Variants in RAD54B observed in about 807,000 individuals in gnomAD.
RAD54B encodes the protein RAD54 homolog B.
A neutral mutation model predicts 95.8 loss-of-function variants in RAD54B; 78 were observed. The ratio of observed to expected loss-of-function variants is 0.81; its 90% CI spans 0.68 to 0.98. The LOEUF is 0.98. Ranked by LOEUF, RAD54B falls within the 50% of genes least tolerant of loss-of-function variation. The probability of loss-of-function intolerance (pLI) is 0.00; values close to 1 mark genes in which losing one functional copy is unlikely to be tolerated. For missense variants in RAD54B, 957 were observed against 1,056.6 expected, an observed-to-expected ratio of 0.91 and a Z score of 1.31; for synonymous variants, 328 against 354.9, an observed-to-expected ratio of 0.92 and a Z score of 0.85.
At chr8:94,447,680 G>T (rs1368948757) in intron 3 of RAD54B, among the ~76,000 whole-genome samples, 1 of 152,196 alleles carries the variant, frequency 6.6e-6, no homozygotes, top group African/African-American at 2.4e-5. Context: ...CAGGAAAGTG[G>T]TCAGCAATAG....
At chr8:94,419,198 T>C (rs1811742684) in intron 3 of RAD54B, among the ~76,000 whole-genome samples, 1 of 152,182 alleles carries the variant, frequency 6.6e-6, no homozygotes, top group South Asian at 2.1e-4. Flanking sequence ...GAATTTCAAT[T>C]AGTAAGAACT....
At position 94,404,583 on chromosome 8, in the gene RAD54B, A is replaced by C. The variant is rs72672699; in HGVS notation, c.782-344T>G. Among the ~76,000 whole-genome samples, 1,266 of 152,304 alleles carry C rather than the reference A, an allele frequency of 8.3e-3. 8 individuals carry two copies. The highest frequency in any genetic ancestry group is 0.031 in the Middle Eastern group (9 of 294). The stretch of plus-strand genomic sequence containing the variant: ...GAGCAAAGAGAACTATTTCCAACTG[A>C]AAGTACAGGTTGGAATTTTGCCAAG... On this transcript the variant is annotated intron_variant, in intron 5 of 14. Transcript: ENST00000336148.
rs1474038975 is a variant in RAD54B at position 94,371,970 on chromosome 8, T to C, written c.*200A>G. 1.1e-6 allele frequency: 1 copy of C among 880,514 alleles called. No homozygotes were observed. The highest frequency in any genetic ancestry group is 1.6e-6 in the Non-Finnish European group (1 of 641,644). 54.5% of individuals were successfully genotyped at this position (880,514 alleles called of 1,614,324 possible). A position where few individuals can be genotyped will look rare whatever the true frequency, so the allele number is the denominator to read the frequency against. ...AATTATTAACAATTATACAATGATA[T>C]AAGCACATCTTTATTTTTCATTTAA... is the stretch of plus-strand genomic sequence containing the variant. On this transcript the variant is annotated 3_prime_UTR_variant, in exon 15 of 15. Transcript: ENST00000336148.
rs551593250 is a variant in RAD54B at position 94,403,941 on chromosome 8, T to C, written c.944+136A>G. On this transcript the variant is annotated intron_variant, in intron 6 of 14. Coordinates refer to ENST00000336148, the MANE Select transcript of RAD54B (RefSeq NM_012415.3). ...GAATAAATGCACACAGTAAGCACTA[T>C]TCACCTTTCCTACCAATTGAAATTC... 4.8e-4 allele frequency: 346 copies of C among 717,224 alleles called. 5 individuals are homozygous for C. The South Asian group carries it at 8.4e-3, about 17-fold the overall frequency. 44.4% of individuals were successfully genotyped at this position (717,224 alleles called of 1,614,324 possible).
At chr8:94,409,446 C>G in intron 4 of RAD54B, among the ~76,000 whole-genome samples, 1 of 151,878 alleles carries the variant, frequency 6.6e-6, no homozygotes. Context: ...TCAAGGCTCA[C>G]TGCAGCCTCG....
intron 2 of RAD54B, among the ~76,000 whole-genome samples, chr8:94,465,723 A>G (rs1813009420): frequency 6.6e-6 from 1 of 152,232 alleles, no homozygotes; most frequent in East Asian, 1.9e-4. Flanking sequence ...TCACAGCAGC[A>G]TTATTCGCCA....
chr8:94,464,450 G>T (rs1044261593), intron 2 of RAD54B, among the ~76,000 whole-genome samples: 1 of 152,156 alleles, frequency 6.6e-6, no homozygotes, highest in African/African-American at 2.4e-5. Flanking sequence ...GATCTGTGTT[G>T]AACTTTTGAC....
At chr8:94,430,044 T>C in intron 3 of RAD54B, 2 of 984,832 alleles carry the variant, frequency 2.0e-6, no homozygotes, top group Non-Finnish European at 2.4e-6. Flanking sequence ...CTGGGCACGG[T>C]GGCTCAAGCC....
intron 3 of RAD54B, among the ~76,000 whole-genome samples, chr8:94,418,361 T>A (rs1488511818): frequency 6.6e-6 from 1 of 152,220 alleles, no homozygotes; most frequent in Non-Finnish European, 1.5e-5. Context: ...CGAAAGGTTG[T>A]ATCAATGATA....
intron 3 of RAD54B, chr8:94,430,857 G>C: frequency 1.0e-6 from 1 of 985,424 alleles, no homozygotes; most frequent in African/African-American, 1.7e-5. Flanking sequence ...GTCCTTCCTA[G>C]TCCAGGATAC....
intron 6 of RAD54B, 86 bp downstream of exon 6, chr8:94,403,990 AT>A: frequency 9.3e-7 from 1 of 1,078,334 alleles, no homozygotes; most frequent in Non-Finnish European, 1.3e-6. Context: ...AGGACTCATT[AT>A]ATTAGGATCT....
chr8:94,456,630 T>C (rs1180300718), intron 3 of RAD54B, among the ~76,000 whole-genome samples: 5 of 152,178 alleles, frequency 3.3e-5, no homozygotes, highest in Non-Finnish European at 7.3e-5. Flanking sequence ...TGTAGGCATA[T>C]TTCAAAATAA....
chr8:94,474,056 C>T (rs1813234310), intron 1 of RAD54B, among the ~76,000 whole-genome samples: 1 of 152,156 alleles, frequency 6.6e-6, no homozygotes, highest in African/African-American at 2.4e-5. Context: ...GAAATCATGT[C>T]CTTTGCAGCA....
chr8:94,448,600 A>G (rs1812575675), intron 3 of RAD54B, among the ~76,000 whole-genome samples: 1 of 152,000 alleles, frequency 6.6e-6, no homozygotes, highest in South Asian at 2.1e-4. Context: ...ATTTGCCACA[A>G]CATGGAAGGA....
rs1453864303 is a variant in RAD54B at position 94,413,519 on chromosome 8, C to T, written c.305-2204G>A. 2.0e-5 allele frequency among the ~76,000 whole-genome samples: 3 copies of T among 152,124 alleles called. No individual in the cohort carries two copies. The East Asian group carries it at 5.8e-4, about 29-fold the overall frequency. On this transcript the variant is annotated intron_variant, in intron 3 of 14. Coordinates refer to ENST00000336148, the MANE Select transcript of RAD54B (RefSeq NM_012415.3). Reference sequence around the variant, plus strand: ...ACATTTGGAAAAGATAAACATCAACCATTAAGTCACCCCATATACAAAATT... The same window carrying T: ...ACATTTGGAAAAGATAAACATCAACTATTAAGTCACCCCATATACAAAATT...
chr8:94,415,515 A>G (rs1258236893), intron 3 of RAD54B, among the ~76,000 whole-genome samples: 1 of 143,802 alleles, frequency 7.0e-6, no homozygotes, highest in African/African-American at 2.5e-5. Context: ...AAATTGACAA[A>G]TGGGATCTAA....
rs182000109 is a variant in RAD54B, at chr8:94,438,481, C to T, written c.304+19787G>A. On this transcript the variant is annotated intron_variant, in intron 3 of 14. Coordinates refer to ENST00000336148, the MANE Select transcript of RAD54B (RefSeq NM_012415.3). Reference sequence around the variant, plus strand: ...AAAGAAAATCGACCTGCCCCAACAACAACTGGACCACAGGTACTCAAAATC... The same window carrying T: ...AAAGAAAATCGACCTGCCCCAACAATAACTGGACCACAGGTACTCAAAATC... Among the ~76,000 whole-genome samples the T allele has an allele frequency of 1.9e-3, 283 of 152,266 alleles. 1 individual carries two copies. The highest frequency in any genetic ancestry group is 5.9e-3 in the Admixed American group (90 of 15,292).
chr8:94,411,791 C>T (rs999958754), intron 3 of RAD54B, among the ~76,000 whole-genome samples: 3 of 151,908 alleles, frequency 2.0e-5, no homozygotes, highest in African/African-American at 4.8e-5. Context: ...TATGTAGGTG[C>T]ACAACATTCT....
chr8:94,384,551 T>A (rs1335415833), intron 11 of RAD54B, among the ~76,000 whole-genome samples: 1 of 151,028 alleles, frequency 6.6e-6, no homozygotes, highest in Non-Finnish European at 1.5e-5. Context: ...TGAAATAGTA[T>A]TTCAGTTTTG....
Sources: gnomAD v4.1 joint callset for allele counts (sites outside exome capture counted in the v4.1 genomes callset) on GRCh38, gnomAD v4.1.1 for gene constraint, MANE v1.5 for transcripts, NCBI Gene and HGNC (gene_info 2026-07-23, HGNC 2026-07-21) for gene names.